Variants in CMC1 observed in about 807,000 individuals in gnomAD.
The protein encoded by CMC1 is COX assembly mitochondrial protein homolog.
CMC1 carries 14 observed loss-of-function variants against 14.1 expected under a neutral mutation model. The observed-to-expected ratio is 0.99, with a 90% CI of 0.66 to 1.55. CMC1 has a LOEUF of 1.55. CMC1 is among the 40% of genes most tolerant of loss of function. The pLI, the probability that CMC1 is intolerant of heterozygous loss-of-function variation, is 0.00. For synonymous variants in CMC1, 50 were observed against 38.4 expected (o/e 1.30, Z -1.12); for missense variants, 127 against 123.8 (o/e 1.03, Z -0.12).
At chr3:28,241,845 G>A in intron 1 of CMC1, 33 bp downstream of exon 1, 1 of 1,236,066 alleles carries the variant, frequency 8.1e-7, no homozygotes, top group Non-Finnish European at 1.0e-6. Flanking sequence ...TTGCCGAGGG[G>A]CCTCGCCCCG....
At chr3:28,309,821 C>CACA (rs1702530510) in intron 2 of CMC1, among the ~76,000 whole-genome samples, 23 of 131,792 alleles carry the variant, frequency 1.7e-4, no homozygotes, top group African/African-American at 6.6e-4. Flanking sequence ...CTGATATTTA[C>CACA]CACACACACA....
At chr3:28,276,658 A>C (rs1216045938) in intron 2 of CMC1, among the ~76,000 whole-genome samples, 1 of 152,226 alleles carries the variant, frequency 6.6e-6, no homozygotes, top group Non-Finnish European at 1.5e-5. Flanking sequence ...ATGATCCTGC[A>C]GTTGCAGTTG....
At chr3:28,242,566 C>A (rs1337273921) in intron 1 of CMC1, among the ~76,000 whole-genome samples, 1 of 152,120 alleles carries the variant, frequency 6.6e-6, no homozygotes, top group Non-Finnish European at 1.5e-5. Context: ...TCTTTCGGAG[C>A]CTTCAAGGAG....
chr3:28,250,805 G>A (rs1309369228), intron 1 of CMC1, among the ~76,000 whole-genome samples: 1 of 152,222 alleles, frequency 6.6e-6, no homozygotes, highest in Admixed American at 6.5e-5. Flanking sequence ...GTGGAACCTT[G>A]TGGGATTGCC....
chr3:28,267,133 A>C (rs1234176152), intron 2 of CMC1, among the ~76,000 whole-genome samples: 4 of 152,152 alleles, frequency 2.6e-5, no homozygotes, highest in Admixed American at 2.0e-4. Flanking sequence ...TAGCTGTTTG[A>C]CTTCACTAAT....
chr3:28,316,204 A>G (rs567961026), intron 2 of CMC1, 129 bp from the exon 3 acceptor site: 1 of 545,566 alleles, frequency 1.8e-6, no homozygotes, highest in East Asian at 3.0e-5. Context: ...GTGAGCTATA[A>G]TCATGCCACT....
At chr3:28,278,139 G>GCTC (rs1339899724) in intron 2 of CMC1, among the ~76,000 whole-genome samples, 1 of 151,142 alleles carries the variant, frequency 6.6e-6, no homozygotes, top group Admixed American at 6.6e-5. Context: ...AAATGGAAGT[G>GCTC]GTGAGAATGA....
chr3:28,289,581 C>G (rs776915640), intron 2 of CMC1, among the ~76,000 whole-genome samples: 1 of 151,906 alleles, frequency 6.6e-6, no homozygotes, highest in African/African-American at 2.4e-5. Context: ...CTGCAAAGAT[C>G]TTTATTTAGG....
chr3:28,307,915 C>G (rs1206992606), intron 2 of CMC1, among the ~76,000 whole-genome samples: 1 of 152,098 alleles, frequency 6.6e-6, no homozygotes, highest in Non-Finnish European at 1.5e-5. Context: ...GTTTCCTTGC[C>G]TTTTTCAGCA....
chr3:28,299,636 A>G (rs1254828025), intron 2 of CMC1, among the ~76,000 whole-genome samples: 1 of 152,148 alleles, frequency 6.6e-6, no homozygotes, highest in African/African-American at 2.4e-5. Flanking sequence ...TTGTCATAAG[A>G]TGCTGCTGTC....
At chr3:28,284,616 G>A (rs1701075307) in intron 2 of CMC1, among the ~76,000 whole-genome samples, 1 of 152,116 alleles carries the variant, frequency 6.6e-6, no homozygotes, top group Non-Finnish European at 1.5e-5. Context: ...GCAGCCCATA[G>A]CAACAAACCA....
intron 2 of CMC1, among the ~76,000 whole-genome samples, chr3:28,288,733 A>T (rs1007086598): frequency 6.6e-6 from 1 of 151,958 alleles, no homozygotes; most frequent in Non-Finnish European, 1.5e-5. Flanking sequence ...GAGGATTATG[A>T]TGAATACATT....
chr3:28,254,972 C>T (rs1699316464), intron 1 of CMC1, among the ~76,000 whole-genome samples: 2 of 152,154 alleles, frequency 1.3e-5, no homozygotes, highest in South Asian at 4.1e-4. Context: ...CATCAGCTTT[C>T]CACTCTACAA....
At chr3:28,256,191 A>G (rs1044862710) in intron 1 of CMC1, among the ~76,000 whole-genome samples, 3 of 148,324 alleles carry the variant, frequency 2.0e-5, no homozygotes, top group Admixed American at 2.0e-4. Context: ...ATATGCATAT[A>G]TGTGTGTGTG....
chr3:28,299,536 C>T (rs1383455155), intron 2 of CMC1, among the ~76,000 whole-genome samples: 1 of 152,042 alleles, frequency 6.6e-6, no homozygotes, highest in Non-Finnish European at 1.5e-5. Context: ...TCATTAAATG[C>T]ACCACTAAAT....
chr3:28,291,790 G>C (rs1271068418), intron 2 of CMC1: 1 of 152,098 alleles, frequency 6.6e-6, no homozygotes, highest in African/African-American at 2.4e-5. Flanking sequence ...TGAGGGAGGG[G>C]GAGAGGGAGC....
chr3:28,294,846 C>T (rs575055791), intron 2 of CMC1, among the ~76,000 whole-genome samples: 2 of 152,200 alleles, frequency 1.3e-5, no homozygotes, highest in East Asian at 1.9e-4. Flanking sequence ...AAACATCAGA[C>T]AGGATTCGGG....
At chr3:28,306,898 G>A (rs749617042) in intron 2 of CMC1, among the ~76,000 whole-genome samples, 27 of 152,004 alleles carry the variant, frequency 1.8e-4, no homozygotes, top group Admixed American at 3.9e-4. Flanking sequence ...CGCCCACCTC[G>A]GCCTCCCAGA....
chr3:28,310,912 G>A (rs1160762613), intron 2 of CMC1, among the ~76,000 whole-genome samples: 1 of 151,920 alleles, frequency 6.6e-6, no homozygotes, highest in African/African-American at 2.4e-5. Flanking sequence ...TTCACAAGAG[G>A]GTTTGTGCTC....
Sources: gnomAD v4.1 joint callset for allele counts (sites outside exome capture counted in the v4.1 genomes callset) on GRCh38, gnomAD v4.1.1 for gene constraint, MANE v1.5 for transcripts, NCBI Gene and HGNC (gene_info 2026-07-23, HGNC 2026-07-21) for gene names.